ADAMTS19: variants seen among roughly 807,000 people sequenced by gnomAD.
ADAMTS19 encodes A disintegrin and metalloproteinase with thrombospondin motifs 19.
ADAMTS19 carries 93 observed loss-of-function variants against 153.3 expected under a neutral mutation model. The observed-to-expected ratio is 0.61, with a 90% CI of 0.51 to 0.72. ADAMTS19 has a LOEUF of 0.72. ADAMTS19 is among the 30% of genes least tolerant of loss of function. ADAMTS19 has a pLI of 0.00. For synonymous variants in ADAMTS19, 600 were observed against 556.6 expected, an observed-to-expected ratio of 1.08 and a Z score of -1.10; for missense variants, 1,482 against 1,552.1, an observed-to-expected ratio of 0.95 and a Z score of 0.76.
intron 6 of ADAMTS19, among the ~76,000 whole-genome samples, chr5:129,534,530 T>A (rs544634673): frequency 3.3e-5 from 5 of 152,078 alleles, no homozygotes; most frequent in Non-Finnish European, 5.9e-5. Context: ...CTGTAACTAT[T>A]CCAATCAATA....
chr5:129,486,167 C>T (rs1411199152), intron 2 of ADAMTS19, among the ~76,000 whole-genome samples: 3 of 152,020 alleles, frequency 2.0e-5, no homozygotes, highest in Non-Finnish European at 4.4e-5. Flanking sequence ...TAAACTTTGT[C>T]AAACATCTAA....
chr5:129,582,794 T>A lies in ADAMTS19; in HGVS notation c.1373-13765T>A, dbSNP rs112971128. Among the ~76,000 whole-genome samples the A allele has an allele frequency of 1.5e-3, 233 of 151,694 alleles. 1 individual carries two copies. The highest frequency in any genetic ancestry group is 5.2e-3 in the African/African-American group (216 of 41,306). On this transcript the variant is annotated intron_variant, in intron 7 of 22. Transcript: ENST00000274487. The stretch of plus-strand genomic sequence containing the variant: ...ACCATGTTAGCCAGGATGGTCTTGA[T>A]CTCCTTGACCCTGTGATCTGCCTGC...
intron 8 of ADAMTS19, among the ~76,000 whole-genome samples, chr5:129,616,967 C>T (rs775788636): frequency 6.6e-6 from 1 of 151,906 alleles, no homozygotes; most frequent in Non-Finnish European, 1.5e-5. Context: ...TCAAACTGCC[C>T]GGATTTGAGT....
At chr5:129,469,782 C>A (rs181702253) in intron 2 of ADAMTS19, among the ~76,000 whole-genome samples, 1 of 152,094 alleles carries the variant, frequency 6.6e-6, no homozygotes, top group South Asian at 2.1e-4. Context: ...CACAGTTATT[C>A]GATTTAGTAA....
chr5:129,730,717 C>A (rs138726576), intron 21 of ADAMTS19, among the ~76,000 whole-genome samples: 13 of 152,182 alleles, frequency 8.5e-5, no homozygotes, highest in African/African-American at 2.4e-4. Context: ...AATGCAGATT[C>A]CCAGATCTCA....
At chr5:129,537,453 G>C (rs1752484999) in intron 6 of ADAMTS19, among the ~76,000 whole-genome samples, 1 of 152,116 alleles carries the variant, frequency 6.6e-6, no homozygotes, top group Non-Finnish European at 1.5e-5. Context: ...TTTAAATCAT[G>C]CTGCTATAAA....
chr5:129,489,262 CTATT>C (rs1750691086), intron 2 of ADAMTS19, among the ~76,000 whole-genome samples: 1 of 152,032 alleles, frequency 6.6e-6, no homozygotes, highest in Non-Finnish European at 1.5e-5. Flanking sequence ...ATAGATTAAA[CTATT>C]TATTTTTCAG....
intron 21 of ADAMTS19, among the ~76,000 whole-genome samples, chr5:129,716,573 C>CTTTTT: frequency 7.3e-6 from 1 of 137,348 alleles, no homozygotes; most frequent in Non-Finnish European, 1.6e-5. Context: ...CTTCCAGTTT[C>CTTTTT]TTTTTTTTTT....
chr5:129,712,898 C>T (rs1340513350), intron 21 of ADAMTS19, among the ~76,000 whole-genome samples: 1 of 152,098 alleles, frequency 6.6e-6, no homozygotes, highest in Non-Finnish European at 1.5e-5. Context: ...AATATAAGAA[C>T]ATGTGTTTAA....
intron 7 of ADAMTS19, among the ~76,000 whole-genome samples, chr5:129,568,657 A>C (rs1753796726): frequency 6.6e-6 from 1 of 151,908 alleles, no homozygotes; most frequent in Non-Finnish European, 1.5e-5. Flanking sequence ...TTGTTGCCAC[A>C]AAAAAAGTTT....
intron 21 of ADAMTS19, among the ~76,000 whole-genome samples, chr5:129,711,240 A>G (rs1756446464): frequency 6.6e-6 from 1 of 152,238 alleles, no homozygotes; most frequent in African/African-American, 2.4e-5. Context: ...AAAAATAGAA[A>G]ATGTTAAGTA....
chr5:129,555,079 C>G (rs893686074), intron 7 of ADAMTS19, among the ~76,000 whole-genome samples: 1 of 151,876 alleles, frequency 6.6e-6, no homozygotes, highest in Non-Finnish European at 1.5e-5. Flanking sequence ...TTATCTATAA[C>G]CGATGTGAAG....
intron 7 of ADAMTS19, among the ~76,000 whole-genome samples, chr5:129,593,430 G>A (rs1367667323): frequency 1.3e-5 from 2 of 152,144 alleles, no homozygotes; most frequent in African/African-American, 2.4e-5. Context: ...ACCTAGTCAT[G>A]TCTCAGAACT....
intron 2 of ADAMTS19, among the ~76,000 whole-genome samples, chr5:129,490,086 G>T (rs916293740): frequency 1.3e-5 from 2 of 152,098 alleles, no homozygotes; most frequent in Non-Finnish European, 2.9e-5. Flanking sequence ...AATTTTTCAG[G>T]CAGATCTGAA....
intron 2 of ADAMTS19, among the ~76,000 whole-genome samples, chr5:129,478,835 C>T (rs1409952826): frequency 6.6e-6 from 1 of 152,124 alleles, no homozygotes; most frequent in Non-Finnish European, 1.5e-5. Context: ...AACCACTGCA[C>T]CTGGCCACCT....
At chr5:129,519,009 AT>A (rs1050175936) in intron 3 of ADAMTS19, among the ~76,000 whole-genome samples, 20 of 152,138 alleles carry the variant, frequency 1.3e-4, no homozygotes, top group African/African-American at 4.8e-4. Context: ...TGCTAATTGC[AT>A]TTTTCAACTC....
chr5:129,648,820 T>C lies in ADAMTS19; in HGVS notation c.2026T>C (p.Cys676Arg). The C allele has an allele frequency of 6.2e-7, 1 of 1,613,734 alleles. No homozygotes were observed. Among genetic ancestry groups the C allele is most frequent in the Non-Finnish European group, 8.5e-7 (1 of 1,179,878 alleles). The change falls in exon 13 of 23, where the codon TGT becomes CGT. Residue 676 changes from cysteine (C) to arginine (R), a missense_variant. By Grantham distance (180) the Cys-to-Arg change is radical. Coordinates refer to ENST00000274487, the MANE Select transcript of ADAMTS19 (RefSeq NM_133638.6). Reference protein sequence around the residue: ...CPGLDSEARDCNGPRKQYRIC... With the variant: ...CPGLDSEARDRNGPRKQYRIC... ...TAGGCTAGATTCTGAAGCAAGGGATTGTAATGGTCCCAGAAAACAATACAG... is the reference window on the plus strand; with the variant it reads ...TAGGCTAGATTCTGAAGCAAGGGATCGTAATGGTCCCAGAAAACAATACAG...
In ADAMTS19 at chr5:129,548,546, G is replaced by C. The variant is rs931257753; in HGVS notation, c.1329-3318G>C. Among the ~76,000 whole-genome samples, 1,460 of 151,668 alleles carry C rather than the reference G, an allele frequency of 9.6e-3. 16 individuals carry two copies. Among genetic ancestry groups the C allele is most frequent in the African/African-American group, 0.033 (1,346 of 41,354 alleles). On this transcript the variant is annotated intron_variant, in intron 6 of 22. Coordinates refer to ENST00000274487, the MANE Select transcript of ADAMTS19 (RefSeq NM_133638.6). ...AAACAACAGGTGCTGGAGAGGATGTGGAGAAATAGGAACACTTTTACACTG... is the reference window on the plus strand; with the variant it reads ...AAACAACAGGTGCTGGAGAGGATGTCGAGAAATAGGAACACTTTTACACTG...
At chr5:129,476,868 C>T (rs1272308604) in intron 2 of ADAMTS19, among the ~76,000 whole-genome samples, 1 of 152,076 alleles carries the variant, frequency 6.6e-6, no homozygotes, top group East Asian at 1.9e-4. Context: ...ACACTAATGA[C>T]ATCCTGGAGT....
Sources: allele counts gnomAD v4.1 joint callset (sites outside exome capture counted in the v4.1 genomes callset), GRCh38; gene constraint gnomAD v4.1.1; transcripts MANE v1.5; gene names NCBI Gene and HGNC (gene_info 2026-07-23, HGNC 2026-07-21).